Variants in ZNRF2 observed in about 807,000 individuals in gnomAD.
ZNRF2 encodes the protein zinc and ring finger 2.
A neutral mutation model predicts 20.4 loss-of-function variants in ZNRF2; 16 were observed. The observed-to-expected ratio is 0.79, with a 90% CI of 0.53 to 1.19. ZNRF2 has a LOEUF of 1.19. Ranked by LOEUF, ZNRF2 falls within the 50% of genes most tolerant of loss-of-function variation. ZNRF2 has a pLI of 0.00. For missense variants in ZNRF2, 363 were observed against 332.4 expected, an observed-to-expected ratio of 1.09 and a Z score of -0.72; for synonymous variants, 178 against 144.9, an observed-to-expected ratio of 1.23 and a Z score of -1.64.
At chr7:30,289,421 GT>G (rs1348378323) in intron 1 of ZNRF2, among the ~76,000 whole-genome samples, 1 of 152,146 alleles carries the variant, frequency 6.6e-6, no homozygotes, top group Non-Finnish European at 1.5e-5. Context: ...CCAATATCAA[GT>G]GCCAAAATGT....
chr7:30,285,953 C>T lies in ZNRF2; in HGVS notation c.469+127C>T, dbSNP rs368578991. Reference sequence around the variant, plus strand: ...GGGCGCCGGGGGCTGCCTCCCGGACCAGCCCGCGTCGGTCTCCATCCTGGA... The same window carrying T: ...GGGCGCCGGGGGCTGCCTCCCGGACTAGCCCGCGTCGGTCTCCATCCTGGA... On this transcript the variant is annotated intron_variant, in intron 1 of 4. Coordinates refer to ENST00000323037, the MANE Select transcript of ZNRF2 (RefSeq NM_147128.4). 83 of 1,321,710 alleles carry T rather than the reference C, an allele frequency of 6.3e-5. No individual in the cohort carries two copies. In the South Asian group the frequency reaches 1.1e-3, roughly 17 times the overall value. The allele number at this position is 1,321,710 out of a possible 1,614,324, so 81.9% of individuals were successfully genotyped here.
At chr7:30,315,819 T>C (rs779139491) in intron 1 of ZNRF2, among the ~76,000 whole-genome samples, 3 of 150,586 alleles carry the variant, frequency 2.0e-5, no homozygotes, top group Non-Finnish European at 4.4e-5. Context: ...CATACTGATA[T>C]CTAACATAAA....
At chr7:30,307,695 C>A (rs1344870890) in intron 1 of ZNRF2, among the ~76,000 whole-genome samples, 3 of 151,850 alleles carry the variant, frequency 2.0e-5, no homozygotes, top group East Asian at 3.8e-4. Context: ...ATAGCAATAA[C>A]CGTTAACCTG....
rs60218988 is a variant in ZNRF2 at position 30,316,288 on chromosome 7, CAAAAAAAAAAAAAAAAAA to C, written c.470-7339_470-7322del. On this transcript the variant is annotated intron_variant, in intron 1 of 4. Coordinates refer to ENST00000323037, the MANE Select transcript of ZNRF2 (RefSeq NM_147128.4). ...GGGCAACAAGAGCGAAACTCCATCTCAAAAAAAAAAAAAAAAAAAAAAAAAAAAAAAAGAATTGTCATA... is the reference window on the plus strand; with the variant it reads ...GGGCAACAAGAGCGAAACTCCATCTCAAAAAAAAAAAAAAGAATTGTCATA... Among the ~76,000 whole-genome samples, 9 of 27,474 alleles carry C rather than the reference CAAAAAAAAAAAAAAAAAA, an allele frequency of 3.3e-4. No individual in the cohort carries two copies. In the Admixed American group the frequency reaches 4.2e-3, roughly 13 times the overall value. The allele number at this position is 27,474 out of a possible 152,430, so 18.0% of individuals were successfully genotyped here. A position where few individuals can be genotyped will look rare whatever the true frequency, so the allele number is the denominator to read the frequency against.
intron 3 of ZNRF2, among the ~76,000 whole-genome samples, chr7:30,357,521 A>T (rs574942810): frequency 1.3e-5 from 2 of 152,322 alleles, no homozygotes; most frequent in Non-Finnish European, 2.9e-5. Flanking sequence ...CAATAAGCCA[A>T]GTTTCTTACT....
At chr7:30,286,036 T>A (rs1166557951) in intron 1 of ZNRF2, among the ~76,000 whole-genome samples, 2 of 152,200 alleles carry the variant, frequency 1.3e-5, no homozygotes, top group South Asian at 2.1e-4. Flanking sequence ...TGGTTTTGTT[T>A]TTAAACATCC....
At chr7:30,339,679 G>C (rs1583589280) in intron 2 of ZNRF2, among the ~76,000 whole-genome samples, 1 of 152,164 alleles carries the variant, frequency 6.6e-6, no homozygotes, top group South Asian at 2.1e-4. Flanking sequence ...TCATAGTACA[G>C]TTTGAAGTCA....
chr7:30,360,403 A>G (rs560978161), intron 3 of ZNRF2, among the ~76,000 whole-genome samples: 1 of 152,302 alleles, frequency 6.6e-6, no homozygotes, highest in Non-Finnish European at 1.5e-5. Context: ...CACAATGAAA[A>G]TGTAAAAACA....
intron 1 of ZNRF2, among the ~76,000 whole-genome samples, chr7:30,303,663 T>C (rs1232276404): frequency 6.6e-6 from 1 of 152,012 alleles, no homozygotes; most frequent in African/African-American, 2.4e-5. Context: ...GATCACAGAG[T>C]ATGGGCTGGG....
chr7:30,348,957 C>A (rs534194582), intron 2 of ZNRF2, among the ~76,000 whole-genome samples: 32 of 151,126 alleles, frequency 2.1e-4, no homozygotes, highest in Admixed American at 1.9e-3. Context: ...TAATACTACT[C>A]CTCAAATTCA....
At chr7:30,288,266 C>T (rs1023100289) in intron 1 of ZNRF2, among the ~76,000 whole-genome samples, 1 of 152,114 alleles carries the variant, frequency 6.6e-6, no homozygotes, top group Non-Finnish European at 1.5e-5. Flanking sequence ...ATACAAATAA[C>T]TGCATCTGAA....
chr7:30,321,064 A>G lies in ZNRF2; in HGVS notation c.470-2578A>G, dbSNP rs149100658. ...TCAGTTCGGAGATCTTTATTCTTCT[A>G]TTTTCTTCCCTGCCCGTTGCCGTGC... On this transcript the variant is annotated intron_variant, in intron 1 of 4. Transcript: ENST00000323037. 4.4e-3 allele frequency among the ~76,000 whole-genome samples: 670 copies of G among 151,952 alleles called. 1 individual carries two copies. The highest frequency in any genetic ancestry group is 6.8e-3 in the Middle Eastern group (2 of 294).
At chr7:30,332,640 TC>T (rs1799653529) in intron 2 of ZNRF2, among the ~76,000 whole-genome samples, 1 of 152,200 alleles carries the variant, frequency 6.6e-6, no homozygotes, top group South Asian at 2.1e-4. Context: ...ATTTTCTGTT[TC>T]TGCGTTAATT....
At chr7:30,303,215 C>G (rs955191606) in intron 1 of ZNRF2, among the ~76,000 whole-genome samples, 1 of 150,866 alleles carries the variant, frequency 6.6e-6, no homozygotes, top group Non-Finnish European at 1.5e-5. Context: ...TTGGCTTCAG[C>G]TCACACCACT....
In ZNRF2 at chr7:30,367,014, T is replaced by C. The variant is rs1480367093; in HGVS notation, c.*1002T>C. 1 of 152,528 alleles carries C rather than the reference T, an allele frequency of 6.6e-6. No individual in the cohort carries two copies. The highest frequency in any genetic ancestry group is 1.5e-5 in the Non-Finnish European group (1 of 67,938). 9.4% of individuals were successfully genotyped at this position (152,528 alleles called of 1,614,324 possible). Reference sequence around the variant, plus strand: ...AACTTAAGAAAAGGGTAAAATAAAATTTTCTGGAGAGGAACTTGGAATTTG... The same window carrying C: ...AACTTAAGAAAAGGGTAAAATAAAACTTTCTGGAGAGGAACTTGGAATTTG... On this transcript the variant is annotated 3_prime_UTR_variant, in exon 5 of 5. Transcript: ENST00000323037.
At chr7:30,305,583 C>A (rs1328049383) in intron 1 of ZNRF2, among the ~76,000 whole-genome samples, 1 of 152,040 alleles carries the variant, frequency 6.6e-6, no homozygotes, top group Non-Finnish European at 1.5e-5. Context: ...CCATTAGTTT[C>A]ATTTCTTGAA....
chr7:30,354,930 G>A (rs1213088928), intron 2 of ZNRF2, among the ~76,000 whole-genome samples: 3 of 152,080 alleles, frequency 2.0e-5, no homozygotes, highest in African/African-American at 7.2e-5. Context: ...TTTAGCATTA[G>A]AATATAATTT....
At chr7:30,353,493 C>G (rs1218714424) in intron 2 of ZNRF2, among the ~76,000 whole-genome samples, 1 of 152,068 alleles carries the variant, frequency 6.6e-6, no homozygotes, top group East Asian at 1.9e-4. Context: ...ATTGTTTAAA[C>G]TTAGTACCTG....
Position 30,366,289 on chromosome 7 carries a change from T to A in ZNRF2, c.*277T>A, listed in dbSNP as rs1162966098. ...TGCTGCACATCCCTTAATAGTCATC[T>A]ACATAGGTAATACTGATAAACATTT... On this transcript the variant is annotated 3_prime_UTR_variant, in exon 5 of 5. Transcript: ENST00000323037. The A allele has an allele frequency of 6.6e-6, 1 of 152,662 alleles. No individual in the cohort carries two copies. Among genetic ancestry groups the A allele is most frequent in the Non-Finnish European group, 1.5e-5 (1 of 68,028 alleles). The allele number at this position is 152,662 out of a possible 1,614,324, so 9.5% of individuals were successfully genotyped here.
Sources: gnomAD v4.1 joint callset for allele counts (sites outside exome capture counted in the v4.1 genomes callset) on GRCh38, gnomAD v4.1.1 for gene constraint, MANE v1.5 for transcripts, NCBI Gene and HGNC (gene_info 2026-07-23, HGNC 2026-07-21) for gene names.